NIT2: variants seen among roughly 807,000 people sequenced by gnomAD.
NIT2 encodes omega-amidase NIT2.
A neutral mutation model predicts 42.7 loss-of-function variants in NIT2; 46 were observed. The ratio of observed to expected loss-of-function variants is 1.08; its 90% CI spans 0.85 to 1.38. The LOEUF (loss-of-function observed/expected upper bound fraction) is 1.38, where lower values mean the gene tolerates loss of function less well. Ranked by LOEUF, NIT2 falls within the 40% of genes most tolerant of loss-of-function variation. NIT2 has a pLI of 0.00. For missense variants in NIT2, 309 were observed against 342.5 expected (o/e 0.90, Z 0.77); for synonymous variants, 123 against 121.9 (o/e 1.01, Z -0.06).
chr3:100,348,451 C>G (rs1023618757), intron 6 of NIT2, among the ~76,000 whole-genome samples: 27 of 152,170 alleles, frequency 1.8e-4, no homozygotes, highest in Non-Finnish European at 1.6e-4. Flanking sequence ...GTCTTAGCCC[C>G]TAGCGTAGGC....
intron 4 of NIT2, among the ~76,000 whole-genome samples, chr3:100,342,825 G>A (rs907031112): frequency 6.6e-6 from 1 of 151,976 alleles, no homozygotes; most frequent in East Asian, 1.9e-4. Flanking sequence ...ATCATTTCTG[G>A]TGTTTTTCTT....
Position 100,339,113 on chromosome 3 carries a change from C to G in NIT2, c.34C>G (p.Gln12Glu), listed in dbSNP as rs1160454560. The G allele has an allele frequency of 6.2e-7, 1 of 1,613,970 alleles. No homozygotes were observed. Among genetic ancestry groups the G allele is most frequent in the East Asian group, 2.2e-5 (1 of 44,874 alleles). Residue 12 changes from glutamine to glutamate, a missense_variant, in exon 2 of 10, where the codon CAG becomes GAG. Transcript: ENST00000394140. ...TTTCCGCTTGGCCCTCATCCAGCTT[C>G]AGATTTCTTCCATCAAATCAGATAA... ...TSFRLALIQL[Q>E]ISSIKSDNVT...
intron 7 of NIT2, among the ~76,000 whole-genome samples, chr3:100,351,847 G>T (rs36117638): frequency 6.6e-6 from 1 of 151,832 alleles, no homozygotes; most frequent in Non-Finnish European, 1.5e-5. Flanking sequence ...GAAAATTTTC[G>T]CAACCTACTC....
intron 4 of NIT2, among the ~76,000 whole-genome samples, chr3:100,342,630 T>C (rs1706169020): frequency 6.6e-6 from 1 of 152,094 alleles, no homozygotes; most frequent in Non-Finnish European, 1.5e-5. Context: ...TTAAGAACCT[T>C]ATAATGATAT....
chr3:100,334,769 A>C lies in NIT2; in HGVS notation c.-23A>C, dbSNP rs1183137805. 2 of 1,236,922 alleles carry C rather than the reference A, an allele frequency of 1.6e-6. No homozygotes were observed. The highest frequency in any genetic ancestry group is 3.3e-5 in the East Asian group (1 of 30,664). The allele number at this position is 1,236,922 out of a possible 1,614,324, so 76.6% of individuals were successfully genotyped here. A position where few individuals can be genotyped will look rare whatever the true frequency, so the allele number is the denominator to read the frequency against. On this transcript the variant is annotated 5_prime_UTR_variant, in exon 1 of 10. Transcript: ENST00000394140. ...ATCTCCAGCGCTCAGTCCGCGCCGC[A>C]GGTGGTGCTTGTCTGCAGAGTCATG...
intron 1 of NIT2, chr3:100,335,085 G>T (rs1203219407): frequency 2.1e-6 from 1 of 472,426 alleles, no homozygotes; most frequent in South Asian, 1.6e-5. Context: ...TGATGGACGT[G>T]TATTTCTCCA....
chr3:100,350,900 C>T (rs9821113), intron 7 of NIT2, among the ~76,000 whole-genome samples: 2,524 of 151,756 alleles, frequency 0.017, 41 homozygotes, highest in African/African-American at 0.044. Flanking sequence ...TGTTCCCCTT[C>T]GTGTGTCCAT....
At chr3:100,342,363 T>C (rs1706166161) in intron 4 of NIT2, among the ~76,000 whole-genome samples, 1 of 152,196 alleles carries the variant, frequency 6.6e-6, no homozygotes, top group South Asian at 2.1e-4. Flanking sequence ...AGTCCATTTA[T>C]ATTTAATGCA....
chr3:100,340,384 T>C (rs968739671), intron 3 of NIT2, among the ~76,000 whole-genome samples: 11 of 152,046 alleles, frequency 7.2e-5, no homozygotes, highest in African/African-American at 2.7e-4. Context: ...ACTATACTAA[T>C]AGAGGATTGA....
intron 2 of NIT2, among the ~76,000 whole-genome samples, 170 bp from the exon 3 acceptor site, chr3:100,339,645 C>T (rs1706125211): frequency 6.6e-6 from 1 of 152,134 alleles, no homozygotes; most frequent in African/African-American, 2.4e-5. Context: ...GTAGTCTTAC[C>T]TGTGGCTACA....
chr3:100,352,200 G>C (rs1264056899), intron 7 of NIT2, among the ~76,000 whole-genome samples: 3 of 152,198 alleles, frequency 2.0e-5, no homozygotes, highest in African/African-American at 4.8e-5. Context: ...AAGTCAGTGT[G>C]GTGATTCCTC....
chr3:100,350,082 C>T (rs1706258550), intron 7 of NIT2: 1 of 152,164 alleles, frequency 6.6e-6, no homozygotes, highest in Non-Finnish European at 1.5e-5. Context: ...GAGGATGCTC[C>T]CTTTTTTGCC....
intron 1 of NIT2, 151 bp downstream of exon 1, chr3:100,334,949 G>C (rs1430061508): frequency 1.3e-6 from 1 of 774,926 alleles, no homozygotes; most frequent in Non-Finnish European, 1.8e-6. Context: ...CGTGGGTCCG[G>C]GATCGCGTGG....
At chr3:100,348,576 A>T (rs1706240905) in intron 6 of NIT2, among the ~76,000 whole-genome samples, 1 of 152,184 alleles carries the variant, frequency 6.6e-6, no homozygotes, top group African/African-American at 2.4e-5. Flanking sequence ...GATTTTGGTC[A>T]TCAACACCAC....
Position 100,335,054 on chromosome 3 carries a change from C to T in NIT2, c.7+256C>T, listed in dbSNP as rs1380090991. Reference sequence around the variant, plus strand: ...GCCACCCGGCCGCGCCGGCACCCGCCGCGTCCTGCTTGACAGAGGCTGATG... The same window carrying T: ...GCCACCCGGCCGCGCCGGCACCCGCTGCGTCCTGCTTGACAGAGGCTGATG... On this transcript the variant is annotated intron_variant, in intron 1 of 9. Coordinates refer to ENST00000394140, the MANE Select transcript of NIT2 (RefSeq NM_020202.5). 9 of 509,368 alleles carry T rather than the reference C, an allele frequency of 1.8e-5. No homozygotes were observed. In the East Asian group the frequency reaches 2.1e-4, roughly 12 times the overall value. The allele number at this position is 509,368 out of a possible 1,614,324, so 31.6% of individuals were successfully genotyped here.
intron 4 of NIT2, among the ~76,000 whole-genome samples, chr3:100,344,567 GT>G (rs1706191856): frequency 6.6e-6 from 1 of 152,080 alleles, no homozygotes; most frequent in African/African-American, 2.4e-5. Flanking sequence ...TCTTTTTATA[GT>G]TTTTTGGGTA....
intron 8 of NIT2, among the ~76,000 whole-genome samples, chr3:100,354,443 AGGT>A (rs1304758900): frequency 6.6e-6 from 1 of 152,228 alleles, no homozygotes; most frequent in Non-Finnish European, 1.5e-5. Context: ...TGTTGGTGGT[AGGT>A]AGCTCTATTG....
At chr3:100,352,759 T>A (rs2148884810) in intron 8 of NIT2, among the ~76,000 whole-genome samples, 1 of 152,336 alleles carries the variant, frequency 6.6e-6, no homozygotes, top group South Asian at 2.1e-4. Context: ...ACCTTCACTG[T>A]CAGTCATACT....
rs750170556 is a variant in NIT2, at chr3:100,358,238, G to A, written c.*2970G>A. On this transcript the variant is annotated 3_prime_UTR_variant, in exon 10 of 10. Transcript: ENST00000394140. Reference sequence around the variant, plus strand: ...ATGTAGCATTTTATTCTCAGAAAATGTGTGGTAACCTGGCCCTGGATTTTA... The same window carrying A: ...ATGTAGCATTTTATTCTCAGAAAATATGTGGTAACCTGGCCCTGGATTTTA... The A allele has an allele frequency of 3.9e-5, 6 of 152,158 alleles. No individual in the cohort carries two copies. Among genetic ancestry groups the A allele is most frequent in the African/African-American group, 1.2e-4 (5 of 41,426 alleles). 9.4% of individuals were successfully genotyped at this position (152,158 alleles called of 1,614,324 possible).
Sources: allele counts gnomAD v4.1 joint callset (sites outside exome capture counted in the v4.1 genomes callset), GRCh38; gene constraint gnomAD v4.1.1; transcripts MANE v1.5; gene names NCBI Gene and HGNC (gene_info 2026-07-23, HGNC 2026-07-21).